ZFAT: variants seen among roughly 807,000 people sequenced by gnomAD.
ZFAT encodes the protein zinc finger protein ZFAT.
Under a neutral mutation model 117.7 loss-of-function variants are expected in ZFAT, and 64 were observed. That is an observed-to-expected ratio of 0.54 (90% CI 0.44 to 0.67). The LOEUF (loss-of-function observed/expected upper bound fraction) is 0.67, where lower values mean the gene tolerates loss of function less well. Ranked by LOEUF, ZFAT falls within the 30% of genes least tolerant of loss-of-function variation. The pLI is 0.00. For synonymous variants in ZFAT, 679 were observed against 615.0 expected, an observed-to-expected ratio of 1.10 and a Z score of -1.54; for missense variants, 1,433 against 1,584.5, an observed-to-expected ratio of 0.90 and a Z score of 1.62.
chr8:134,829,676 ATTAAT>A, the ZFAT span, among the ~76,000 whole-genome samples: 4 of 152,222 alleles, frequency 2.6e-5, no homozygotes, highest in African/African-American at 4.8e-5. Context: ...CCAACTAGTA[ATTAAT>A]TTGTTTTGCA....
the ZFAT span, among the ~76,000 whole-genome samples, chr8:134,770,704 T>G: frequency 6.6e-6 from 1 of 152,232 alleles, no homozygotes; most frequent in African/African-American, 2.4e-5. Flanking sequence ...GAGCCATATT[T>G]CTCTTCTTTC....
chr8:134,635,438 C>T (rs1422025263), intron 3 of ZFAT, among the ~76,000 whole-genome samples: 3 of 152,154 alleles, frequency 2.0e-5, no homozygotes, highest in Admixed American at 6.5e-5. Flanking sequence ...AAGGGATTCT[C>T]GAGAAGACAG....
chr8:134,677,645 A>T (rs757624972), intron 1 of ZFAT, among the ~76,000 whole-genome samples: 2 of 151,906 alleles, frequency 1.3e-5, no homozygotes, highest in Admixed American at 6.6e-5. Flanking sequence ...AATAAAAAAT[A>T]AAAAAATAAA....
intron 10 of ZFAT, among the ~76,000 whole-genome samples, chr8:134,582,751 C>T (rs1825793761): frequency 6.6e-6 from 1 of 152,060 alleles, no homozygotes; most frequent in African/African-American, 2.4e-5. Flanking sequence ...GAATACTTGC[C>T]AAGGGCCCAA....
chr8:134,554,189 G>C (rs760744212), intron 11 of ZFAT, among the ~76,000 whole-genome samples: 1 of 152,170 alleles, frequency 6.6e-6, no homozygotes, highest in Non-Finnish European at 1.5e-5. Context: ...GTGTATGTTG[G>C]AGCAGGGGCA....
intron 7 of ZFAT, among the ~76,000 whole-genome samples, chr8:134,592,030 A>G (rs996943413): frequency 1.3e-5 from 2 of 152,234 alleles, no homozygotes; most frequent in Non-Finnish European, 2.9e-5. Flanking sequence ...AATAAAAAGT[A>G]AAAACAAAAA....
intron 15 of ZFAT, among the ~76,000 whole-genome samples, chr8:134,480,412 C>A (rs1817217640): frequency 6.6e-6 from 1 of 152,242 alleles, no homozygotes. Context: ...TGCCTGGTCA[C>A]AACTGTTTCC....
At chr8:134,552,369 T>G (rs1157058551) in intron 11 of ZFAT, among the ~76,000 whole-genome samples, 1 of 152,234 alleles carries the variant, frequency 6.6e-6, no homozygotes, top group Non-Finnish European at 1.5e-5. Context: ...TGTCAAATTG[T>G]GGTATCATGT....
chr8:134,608,617 A>G lies in ZFAT; in HGVS notation c.785+112T>C, dbSNP rs1307771451. The G allele has an allele frequency of 2.2e-6, 3 of 1,347,546 alleles. No homozygotes were observed. In the Admixed American group the frequency reaches 7.5e-5, roughly 34 times the overall value. The allele number at this position is 1,347,546 out of a possible 1,614,324, so 83.5% of individuals were successfully genotyped here. On this transcript the variant is annotated intron_variant, in intron 5 of 15. Transcript: ENST00000377838. ...ATCAAGGAGTCAGTATCTCTTATAA[A>G]CAAGTTTATAAGCAGAATCCAAACG...
Position 134,588,378 on chromosome 8 carries a change from T to C in ZFAT, c.2581A>G (p.Ile861Val). The change falls in exon 9 of 16, where the codon ATT becomes GTT. Residue 861 changes from isoleucine (I) to valine (V), a missense_variant. Ile to Val is a conservative substitution (Grantham distance 29). Around this residue, in one of 5 missense-constraint regions of ZFAT, gnomAD observed 503 missense variants for 543.4 expected, o/e 0.93. Transcript: ENST00000377838. ...ACCCTCCTCCCGAGAACCTCAGAAA[T>C]GGTGCTCATGGAGACCTCTAGAAGA... ...TNHPEVSMST[I>V]SEVLGRRVQL... The C allele has an allele frequency of 6.3e-7, 1 of 1,588,732 alleles. No individual in the cohort carries two copies. Among genetic ancestry groups the C allele is most frequent in the Non-Finnish European group, 8.6e-7 (1 of 1,167,458 alleles).
At chr8:134,690,361 T>G (rs912475500) in intron 1 of ZFAT, among the ~76,000 whole-genome samples, 1 of 152,214 alleles carries the variant, frequency 6.6e-6, no homozygotes, top group Admixed American at 6.5e-5. Flanking sequence ...AATATTTTCA[T>G]TTATTATTGT....
At chr8:134,649,202 C>CACA (rs71298211) in intron 2 of ZFAT, among the ~76,000 whole-genome samples, 15 of 146,296 alleles carry the variant, frequency 1.0e-4, no homozygotes, top group African/African-American at 3.6e-4. Flanking sequence ...CACACACACA[C>CACA]CCCATCATAC....
intron 10 of ZFAT, among the ~76,000 whole-genome samples, chr8:134,572,957 C>T (rs960081667): frequency 1.3e-5 from 2 of 152,204 alleles, no homozygotes; most frequent in African/African-American, 4.8e-5. Context: ...ATGAATCTCA[C>T]AAGCACAATG....
chr8:134,512,695 T>A, intron 13 of ZFAT, 94 bp from the exon 14 acceptor site: 1 of 1,451,998 alleles, frequency 6.9e-7, no homozygotes, highest in Non-Finnish European at 9.2e-7. Flanking sequence ...CAAACGCATA[T>A]AAGAAAGCAA....
chr8:134,513,817 A>G (rs992119991), intron 13 of ZFAT, among the ~76,000 whole-genome samples: 2 of 152,262 alleles, frequency 1.3e-5, no homozygotes, highest in African/African-American at 2.4e-5. Context: ...AGAATAGCAT[A>G]TAATATTCCT....
chr8:134,641,067 G>A lies in ZFAT; in HGVS notation c.197-3355C>T, dbSNP rs114646188. ...CACCACCCAGATGCCTGCACACGGT[G>A]TCCAGATTCCAGCCTCCTGCTCTGG... is the stretch of plus-strand genomic sequence containing the variant. On this transcript the variant is annotated intron_variant, in intron 2 of 15. Coordinates refer to ENST00000377838, the MANE Select transcript of ZFAT (RefSeq NM_020863.4). 6.8e-3 allele frequency among the ~76,000 whole-genome samples: 1,036 copies of A among 151,962 alleles called. 11 individuals are homozygous for A. The highest frequency in any genetic ancestry group is 0.023 in the African/African-American group (964 of 41,454).
intron 1 of ZFAT, among the ~76,000 whole-genome samples, chr8:134,705,242 C>G (rs1379510396): frequency 6.6e-6 from 1 of 152,164 alleles, no homozygotes; most frequent in Non-Finnish European, 1.5e-5. Context: ...TCACTGATGC[C>G]CAGGCTGGAG....
In ZFAT at chr8:134,605,432, G is replaced by A. The variant is rs557586087; in HGVS notation, c.786-2499C>T. On this transcript the variant is annotated intron_variant, in intron 5 of 15. Coordinates refer to ENST00000377838, the MANE Select transcript of ZFAT (RefSeq NM_020863.4). ...GTGGTGGTGGGCGCCTGCAGTCCCA[G>A]CTACTCGGGAGGCTGAGGCGGGAGA... 8.1e-4 allele frequency among the ~76,000 whole-genome samples: 123 copies of A among 152,070 alleles called. 1 individual carries two copies. Among genetic ancestry groups the A allele is most frequent in the Non-Finnish European group, 1.3e-3 (91 of 67,984 alleles).
intron 11 of ZFAT, among the ~76,000 whole-genome samples, chr8:134,538,364 A>T (rs896000726): frequency 1.3e-5 from 2 of 152,162 alleles, no homozygotes; most frequent in African/African-American, 4.8e-5. Context: ...GGCGCCGGTG[A>T]CCTACCAAGA....
Sources: gnomAD v4.1 joint callset for allele counts (sites outside exome capture counted in the v4.1 genomes callset) on GRCh38, gnomAD v4.1.1 for gene constraint, gnomAD v4.1.1 regional missense constraint, MANE v1.5 for transcripts, NCBI Gene and HGNC (gene_info 2026-07-23, HGNC 2026-07-21) for gene names.